Variants in SKAP1 observed in about 807,000 individuals in gnomAD.
The protein encoded by SKAP1 is src kinase associated phosphoprotein 1.
Under a neutral mutation model 58.5 loss-of-function variants are expected in SKAP1, and 44 were observed. The observed-to-expected ratio is 0.75, with a 90% CI of 0.59 to 0.97. The LOEUF (loss-of-function observed/expected upper bound fraction) is 0.97. Among genes scored for constraint, SKAP1 ranks in the 50% least tolerant of loss-of-function variants. The pLI, the probability that SKAP1 is intolerant of heterozygous loss-of-function variation, is 0.00. For synonymous variants in SKAP1, 127 were observed against 149.7 expected (o/e 0.85, Z 1.11); for missense variants, 390 against 435.2 (o/e 0.90, Z 0.92).
At chr17:48,341,246 C>A (rs543095148) in intron 4 of SKAP1, among the ~76,000 whole-genome samples, 1 of 152,196 alleles carries the variant, frequency 6.6e-6, no homozygotes, top group Non-Finnish European at 1.5e-5. Context: ...ACTTTGGCAC[C>A]ATGAAATTTA....
intron 4 of SKAP1, among the ~76,000 whole-genome samples, chr17:48,241,805 G>A (rs888705485): frequency 1.3e-5 from 2 of 152,116 alleles, no homozygotes; most frequent in African/African-American, 4.8e-5. Flanking sequence ...GAACCCAGCA[G>A]TAACAGATAT....
rs141374484 is a variant in SKAP1 at position 48,213,256 on chromosome 17, C to T, written c.281-23756G>A. Among the ~76,000 whole-genome samples, 7 of 151,036 alleles carry T rather than the reference C, an allele frequency of 4.6e-5. No homozygotes were observed. In the East Asian group the frequency reaches 1.4e-3, roughly 30 times the overall value. ...ACTTGGGAGGCTGAGGTAGGAGAATCGCTTGAACCCGTGCTTGAACACCAC... is the reference window on the plus strand; with the variant it reads ...ACTTGGGAGGCTGAGGTAGGAGAATTGCTTGAACCCGTGCTTGAACACCAC... On this transcript the variant is annotated intron_variant, in intron 4 of 12. Coordinates refer to ENST00000336915, the MANE Select transcript of SKAP1 (RefSeq NM_003726.4).
intron 11 of SKAP1, among the ~76,000 whole-genome samples, chr17:48,144,452 G>A (rs533325527): frequency 8.9e-4 from 135 of 152,156 alleles, no homozygotes; most frequent in African/African-American, 3.2e-3. Flanking sequence ...AATGAGATCC[G>A]GCCGAGAACT....
At chr17:48,158,965 GAA>G (rs34145165) in intron 11 of SKAP1, among the ~76,000 whole-genome samples, 187 of 131,374 alleles carry the variant, frequency 1.4e-3, no homozygotes, top group Middle Eastern at 3.9e-3. Flanking sequence ...TTCTCAAAAA[GAA>G]AAAAAAAAAA....
At chr17:48,213,900 A>G (rs1313490734) in intron 4 of SKAP1, among the ~76,000 whole-genome samples, 1 of 152,182 alleles carries the variant, frequency 6.6e-6, no homozygotes, top group Non-Finnish European at 1.5e-5. Context: ...CAGCACCTGC[A>G]CAGCACTCAA....
chr17:48,221,807 A>C (rs1286578249), intron 4 of SKAP1, among the ~76,000 whole-genome samples: 3 of 152,158 alleles, frequency 2.0e-5, no homozygotes, highest in African/African-American at 4.8e-5. Flanking sequence ...GGCGTAATTT[A>C]AAAATCTGCC....
chr17:48,325,764 T>G (rs1288444853), intron 4 of SKAP1, among the ~76,000 whole-genome samples: 1 of 152,216 alleles, frequency 6.6e-6, no homozygotes, highest in African/African-American at 2.4e-5. Context: ...TAAATAAAAA[T>G]AGGAAGTGTC....
chr17:48,316,688 G>A (rs7218167), intron 4 of SKAP1, among the ~76,000 whole-genome samples: 26,230 of 152,064 alleles, frequency 0.17, 2,315 homozygotes, highest in Non-Finnish European at 0.19. Flanking sequence ...AATGATAAAT[G>A]AATAGATGAA....
At chr17:48,158,567 CAAAAAA>C (rs1171183021) in intron 11 of SKAP1, among the ~76,000 whole-genome samples, 2 of 61,512 alleles carry the variant, frequency 3.3e-5, no homozygotes, top group Non-Finnish European at 5.5e-5. Context: ...GACTCTGTCT[CAAAAAA>C]AAAAAAAAAA....
intron 5 of SKAP1, 59 bp from the exon 6 acceptor site, chr17:48,187,985 G>T: frequency 7.9e-7 from 1 of 1,261,510 alleles, no homozygotes; most frequent in South Asian, 1.2e-5. Flanking sequence ...TGAAGAGTCT[G>T]TAAAATCCAA....
intron 2 of SKAP1, among the ~76,000 whole-genome samples, chr17:48,372,576 A>C (rs2067100962): frequency 6.6e-6 from 1 of 152,204 alleles, no homozygotes; most frequent in African/African-American, 2.4e-5. Context: ...AAGTGCTGGG[A>C]TTACAGGCGT....
chr17:48,214,939 A>AATAAAATAAAATAAAATAAT, intron 4 of SKAP1, among the ~76,000 whole-genome samples: 1 of 148,744 alleles, frequency 6.7e-6, no homozygotes, highest in Non-Finnish European at 1.5e-5. Flanking sequence ...AGTAAAATAA[A>AATAAAATAAAATAAAATAAT]ATAAAATAAA....
At chr17:48,418,712 A>T (rs975933726) in intron 1 of SKAP1, among the ~76,000 whole-genome samples, 1 of 152,244 alleles carries the variant, frequency 6.6e-6, no homozygotes, top group Non-Finnish European at 1.5e-5. Context: ...TTATCAGCAT[A>T]AGAATGGATA....
In SKAP1 at chr17:48,256,146, T is replaced by C. The variant is rs573400576; in HGVS notation, c.281-66646A>G. Reference sequence around the variant, plus strand: ...TCACTTTCTCACTGGCTTCTCTTCTTAATAATGTGCATTCTTCAGTTTACC... The same window carrying C: ...TCACTTTCTCACTGGCTTCTCTTCTCAATAATGTGCATTCTTCAGTTTACC... On this transcript the variant is annotated intron_variant, in intron 4 of 12. Transcript: ENST00000336915. 4.2e-4 allele frequency among the ~76,000 whole-genome samples: 64 copies of C among 152,102 alleles called. 2 individuals are homozygous for C. The South Asian group carries it at 8.9e-3, about 21-fold the overall frequency.
At chr17:48,341,097 T>C (rs1212238532) in intron 4 of SKAP1, among the ~76,000 whole-genome samples, 2 of 152,186 alleles carry the variant, frequency 1.3e-5, no homozygotes, top group Non-Finnish European at 2.9e-5. Context: ...TAACAGTGTC[T>C]TCCTCTCTGA....
intron 2 of SKAP1, among the ~76,000 whole-genome samples, chr17:48,365,377 GC>G (rs2066989269): frequency 1.3e-5 from 2 of 151,932 alleles, no homozygotes; most frequent in South Asian, 4.2e-4. Flanking sequence ...CCCAAGAAAG[GC>G]TACTGTATTT....
At chr17:48,238,729 A>T (rs1036098021) in intron 4 of SKAP1, among the ~76,000 whole-genome samples, 6 of 152,180 alleles carry the variant, frequency 3.9e-5, no homozygotes, top group African/African-American at 1.4e-4. Context: ...TGAAGTAAAA[A>T]ATTGTAATAA....
intron 4 of SKAP1, among the ~76,000 whole-genome samples, chr17:48,279,379 C>T (rs2065740276): frequency 6.6e-6 from 1 of 152,156 alleles, no homozygotes; most frequent in Non-Finnish European, 1.5e-5. Context: ...TCTAACACTG[C>T]CATGGGTGTC....
the SKAP1 span, among the ~76,000 whole-genome samples, chr17:48,444,671 A>G: frequency 1.3e-5 from 2 of 152,278 alleles, no homozygotes; most frequent in South Asian, 2.1e-4. Context: ...CCCCACTTGC[A>G]CTAGTAACTT....
Sources: gnomAD v4.1 joint callset for allele counts (sites outside exome capture counted in the v4.1 genomes callset) on GRCh38, gnomAD v4.1.1 for gene constraint, MANE v1.5 for transcripts, NCBI Gene and HGNC (gene_info 2026-07-23, HGNC 2026-07-21) for gene names.